Variants in PLCL2 observed in about 807,000 individuals in gnomAD.
The protein encoded by PLCL2 is phospholipase C like 2.
PLCL2 carries 4 observed loss-of-function variants against 79.6 expected under a neutral mutation model. The observed-to-expected ratio is 0.05, with a 90% CI of 0.02 to 0.11. PLCL2 has a LOEUF of 0.11. Ranked by LOEUF, PLCL2 falls within the 10% of genes least tolerant of loss-of-function variation. The probability of loss-of-function intolerance (pLI) is 1.00; values close to 1 mark genes in which losing one functional copy is unlikely to be tolerated. For synonymous variants in PLCL2, 484 were observed against 457.7 expected, an observed-to-expected ratio of 1.06 and a Z score of -0.73; for missense variants, 895 against 1,291.0, an observed-to-expected ratio of 0.69 and a Z score of 4.70.
rs963708283 is a variant in PLCL2 at position 17,058,179 on chromosome 3, A to G, written c.3095-9777A>G. 2.6e-5 allele frequency among the ~76,000 whole-genome samples: 4 copies of G among 152,346 alleles called. No individual in the cohort carries two copies. The East Asian group carries it at 7.7e-4, about 29-fold the overall frequency. On this transcript the variant is annotated intron_variant, in intron 4 of 5. Coordinates refer to ENST00000615277, the MANE Select transcript of PLCL2 (RefSeq NM_001144382.2). Reference sequence around the variant, plus strand: ...TTTGTCTAAGAGCCAAGGCAAGTGGACACAGACAGAAGAGTGTATGCAGGG... The same window carrying G: ...TTTGTCTAAGAGCCAAGGCAAGTGGGCACAGACAGAAGAGTGTATGCAGGG...
intron 5 of PLCL2, among the ~76,000 whole-genome samples, chr3:17,079,315 C>T (rs1205672293): frequency 2.0e-5 from 3 of 152,196 alleles, no homozygotes; most frequent in Non-Finnish European, 4.4e-5. Flanking sequence ...TGGCTCACCT[C>T]CACTGTCTGG....
At chr3:16,951,204 G>T (rs2124959412) in intron 1 of PLCL2, among the ~76,000 whole-genome samples, 1 of 151,938 alleles carries the variant, frequency 6.6e-6, no homozygotes, top group South Asian at 2.1e-4. Context: ...AATGACCTGA[G>T]CATTGTGCCG....
chr3:16,986,346 C>T (rs183276693), intron 1 of PLCL2, among the ~76,000 whole-genome samples: 2 of 152,110 alleles, frequency 1.3e-5, no homozygotes, highest in East Asian at 1.9e-4. Context: ...TCCTTCCGGA[C>T]CCTACAGTTC....
At chr3:16,930,997 G>A (rs964234220) in intron 1 of PLCL2, among the ~76,000 whole-genome samples, 1 of 151,888 alleles carries the variant, frequency 6.6e-6, no homozygotes, top group African/African-American at 2.4e-5. Flanking sequence ...AGTAGGGTAG[G>A]ATCCATATCT....
chr3:16,919,790 C>T (rs1697080441), intron 1 of PLCL2, among the ~76,000 whole-genome samples: 1 of 152,034 alleles, frequency 6.6e-6, no homozygotes, highest in African/African-American at 2.4e-5. Flanking sequence ...GAAGAGTCAC[C>T]TGAGGTATTG....
At chr3:16,960,538 G>A (rs1340894789) in intron 1 of PLCL2, among the ~76,000 whole-genome samples, 3 of 151,788 alleles carry the variant, frequency 2.0e-5, no homozygotes, top group Admixed American at 6.6e-5. Context: ...ACCACTTGAC[G>A]TTTGGTAAGC....
rs551509331 is a variant in PLCL2, at chr3:17,039,892, C to T, written c.3019-2982C>T. ...ACTGTCATTATCAGCAGAGGAACTTCCTGTATTGAAATCTAAGCCACAAGT... is the reference window on the plus strand; with the variant it reads ...ACTGTCATTATCAGCAGAGGAACTTTCTGTATTGAAATCTAAGCCACAAGT... On this transcript the variant is annotated intron_variant, in intron 3 of 5. Transcript: ENST00000615277. Among the ~76,000 whole-genome samples the T allele has an allele frequency of 3.3e-5, 5 of 152,282 alleles. No individual in the cohort carries two copies. The South Asian group carries it at 8.3e-4, about 25-fold the overall frequency.
At chr3:16,933,312 C>T (rs951934934) in intron 1 of PLCL2, 2 of 154,762 alleles carry the variant, frequency 1.3e-5, no homozygotes, top group East Asian at 3.9e-4. Context: ...TGTTTTGTTT[C>T]ATTTTGGGAG....
chr3:16,907,322 G>C, intron 1 of PLCL2, among the ~76,000 whole-genome samples: 1 of 152,150 alleles, frequency 6.6e-6, no homozygotes, highest in East Asian at 1.9e-4. Flanking sequence ...TTATCACCTA[G>C]GAACAACACA....
intron 1 of PLCL2, among the ~76,000 whole-genome samples, chr3:16,951,520 T>G (rs2124959656): frequency 6.6e-6 from 1 of 152,260 alleles, no homozygotes; most frequent in African/African-American, 2.4e-5. Context: ...CTCATTCATC[T>G]TTTTATTGCT....
intron 3 of PLCL2, among the ~76,000 whole-genome samples, chr3:17,016,839 A>G (rs532653136): frequency 6.6e-6 from 1 of 152,354 alleles, no homozygotes; most frequent in South Asian, 2.1e-4. Context: ...ACCAAAATCT[A>G]ATATGATTTA....
intron 4 of PLCL2, among the ~76,000 whole-genome samples, chr3:17,050,429 G>A (rs1351551863): frequency 1.3e-5 from 2 of 149,826 alleles, no homozygotes; most frequent in Non-Finnish European, 2.9e-5. Context: ...TATATAAGGA[G>A]CTCAAACAAC....
At chr3:16,980,568 C>A (rs2063980622) in intron 1 of PLCL2, among the ~76,000 whole-genome samples, 1 of 151,218 alleles carries the variant, frequency 6.6e-6, no homozygotes, top group Non-Finnish European at 1.5e-5. Flanking sequence ...CCTCACTTCC[C>A]AGATGTGATG....
At chr3:16,981,585 A>C (rs1162659987) in intron 1 of PLCL2, among the ~76,000 whole-genome samples, 2 of 152,230 alleles carry the variant, frequency 1.3e-5, no homozygotes, top group Non-Finnish European at 2.9e-5. Context: ...TATCTTCTGA[A>C]AAATTCTTAT....
At chr3:16,910,627 A>G (rs1401920368) in intron 1 of PLCL2, among the ~76,000 whole-genome samples, 1 of 151,910 alleles carries the variant, frequency 6.6e-6, no homozygotes, top group African/African-American at 2.4e-5. Context: ...TTTAAGTGTC[A>G]TTTATATGCC....
At chr3:16,961,680 C>G (rs2063755597) in intron 1 of PLCL2, among the ~76,000 whole-genome samples, 1 of 152,088 alleles carries the variant, frequency 6.6e-6, no homozygotes, top group South Asian at 2.1e-4. Context: ...AAAGCAGCAC[C>G]AGAAGCAGAG....
At chr3:16,946,021 A>C (rs1467935627) in intron 1 of PLCL2, among the ~76,000 whole-genome samples, 3 of 152,234 alleles carry the variant, frequency 2.0e-5, no homozygotes, top group Admixed American at 6.5e-5. Context: ...TAAAAAGAAC[A>C]AGAACAGTGG....
chr3:16,897,400 C>T (rs1375002468), intron 1 of PLCL2, among the ~76,000 whole-genome samples: 2 of 151,878 alleles, frequency 1.3e-5, no homozygotes, highest in African/African-American at 4.8e-5. Flanking sequence ...CTGGCGAGTC[C>T]CTGGGCTCTT....
At chr3:17,032,971 T>C (rs1287640356) in intron 3 of PLCL2, among the ~76,000 whole-genome samples, 2 of 152,120 alleles carry the variant, frequency 1.3e-5, no homozygotes, top group Admixed American at 6.6e-5. Flanking sequence ...GAGACATTGA[T>C]TGTGTTAGAG....
Sources: gnomAD v4.1 joint callset for allele counts (sites outside exome capture counted in the v4.1 genomes callset) on GRCh38, gnomAD v4.1.1 for gene constraint, MANE v1.5 for transcripts, NCBI Gene and HGNC (gene_info 2026-07-23, HGNC 2026-07-21) for gene names.